ATM: variants seen among roughly 807,000 people sequenced by gnomAD.
ATM encodes the protein ATM serine/threonine kinase.
ATM carries 308 observed loss-of-function variants against 387.0 expected under a neutral mutation model. That is an observed-to-expected ratio of 0.80 (90% CI 0.73 to 0.87). The LOEUF (loss-of-function observed/expected upper bound fraction) is 0.87, where lower values mean the gene tolerates loss of function less well. Ranked by LOEUF, ATM falls within the 40% of genes least tolerant of loss-of-function variation. The pLI is 0.00. For synonymous variants in ATM, 1,156 were observed against 1,187.3 expected (o/e 0.97, Z 0.54); for missense variants, 3,312 against 3,560.9 (o/e 0.93, Z 1.78).
At chr11:108,347,683 A>G (rs1052453341) in intron 59 of ATM, among the ~76,000 whole-genome samples, 3 of 152,114 alleles carry the variant, frequency 2.0e-5, no homozygotes, top group Non-Finnish European at 4.4e-5. Flanking sequence ...GAGTAATTTT[A>G]AGATGTAGCA....
rs1169332384 is a variant in ATM at position 108,368,167 on chromosome 11, G to A, written c.*2659G>A. 4.8e-6 allele frequency: 1 copy of A among 206,766 alleles called. No individual in the cohort carries two copies. Among genetic ancestry groups the A allele is most frequent in the African/African-American group, 2.3e-5 (1 of 43,800 alleles). 12.8% of individuals were successfully genotyped at this position (206,766 alleles called of 1,614,324 possible). ...AATTTACATACAGATCACAAGCCTA[G>A]GAGAAATAACTAATTCACAGATGAC... is the stretch of plus-strand genomic sequence containing the variant. On this transcript the variant is annotated 3_prime_UTR_variant, in exon 63 of 63. Transcript: ENST00000675843.
intron 22 of ATM, among the ~76,000 whole-genome samples, chr11:108,278,399 T>G (rs892614129): frequency 6.6e-6 from 1 of 152,304 alleles, no homozygotes; most frequent in African/African-American, 2.4e-5. Context: ...AAGGCGGCAG[T>G]GTAGTGGTGG....
intron 22 of ATM, among the ~76,000 whole-genome samples, 166 bp from the exon 23 acceptor site, chr11:108,279,325 C>A (rs2082101845): frequency 6.6e-6 from 1 of 152,184 alleles, no homozygotes; most frequent in South Asian, 2.1e-4. Context: ...CTGGTCTGAA[C>A]CTCTTTAAAT....
Position 108,245,870 on chromosome 11 carries a change from G to A in ATM, c.901+844G>A, listed in dbSNP as rs186859611. Among the ~76,000 whole-genome samples, 144 of 149,184 alleles carry A rather than the reference G, an allele frequency of 9.7e-4. 1 individual carries two copies. Among genetic ancestry groups the A allele is most frequent in the African/African-American group, 3.4e-3 (139 of 40,364 alleles). ...GACAGAGTCTCACTCTGTCGCCCAG[G>A]CTGAAGTGCAGTGACGCAATGTTAG... is the stretch of plus-strand genomic sequence containing the variant. On this transcript the variant is annotated intron_variant, in intron 7 of 62. Transcript: ENST00000675843.
At chr11:108,341,572 A>C (rs149956049) in intron 56 of ATM, among the ~76,000 whole-genome samples, 1 of 152,200 alleles carries the variant, frequency 6.6e-6, no homozygotes, top group African/African-American at 2.4e-5. Flanking sequence ...TTAAGACACA[A>C]AACAGTTCAA....
intron 16 of ATM, among the ~76,000 whole-genome samples, chr11:108,266,388 A>C (rs887092600): frequency 2.0e-5 from 3 of 151,466 alleles, no homozygotes; most frequent in Non-Finnish European, 4.4e-5. Flanking sequence ...CGCAAGAAGA[A>C]AAAACCAAAC....
At chr11:108,241,912 T>C (rs1175756933) in intron 5 of ATM, among the ~76,000 whole-genome samples, 1 of 151,840 alleles carries the variant, frequency 6.6e-6, no homozygotes, top group East Asian at 1.9e-4. Flanking sequence ...ACCCTGCTAA[T>C]TTTTCATTTT....
In ATM at chr11:108,233,026, C is replaced by A. The variant is rs143496509; in HGVS notation, c.332-2644C>A. ...TACAGGCATGCCCCACCATGCCCAGCTAATTTTGTATTTTTAGTAGAGACG... is the reference window on the plus strand; with the variant it reads ...TACAGGCATGCCCCACCATGCCCAGATAATTTTGTATTTTTAGTAGAGACG... On this transcript the variant is annotated intron_variant, in intron 4 of 62. Coordinates refer to ENST00000675843, the MANE Select transcript of ATM (RefSeq NM_000051.4). Among the ~76,000 whole-genome samples the A allele has an allele frequency of 6.0e-3, 920 of 152,228 alleles. 6 individuals carry two copies. Among genetic ancestry groups the A allele is most frequent in the East Asian group, 0.01 (54 of 5,176 alleles).
chr11:108,347,886 T>G (rs1274760006), intron 59 of ATM, among the ~76,000 whole-genome samples: 3 of 152,108 alleles, frequency 2.0e-5, no homozygotes, highest in Non-Finnish European at 4.4e-5. Context: ...TCAGGAGCAC[T>G]TTGGGGAGTG....
intron 58 of ATM, chr11:108,346,590 C>T (rs944262050): frequency 6.6e-6 from 1 of 152,192 alleles, no homozygotes; most frequent in African/African-American, 2.4e-5. Flanking sequence ...AAAGAGTTCC[C>T]AGGTAATTGT....
At chr11:108,347,224 T>C in intron 58 of ATM, 55 bp from the exon 59 acceptor site, 1 of 1,303,244 alleles carries the variant, frequency 7.7e-7, no homozygotes, top group East Asian at 2.3e-5. Flanking sequence ...TATGGCTATA[T>C]ATTAGAAAGA....
rs3218693 is a variant in ATM, at chr11:108,227,516, A to G, written c.-30-79A>G. The G allele has an allele frequency of 8.2e-3, 7,206 of 876,788 alleles. 278 individuals carry two copies. In the African/African-American group the frequency reaches 0.093, roughly 11 times the overall value. 54.3% of individuals were successfully genotyped at this position (876,788 alleles called of 1,614,324 possible). A position where few individuals can be genotyped will look rare whatever the true frequency, so the allele number is the denominator to read the frequency against. On this transcript the variant is annotated intron_variant, in intron 1 of 62. Coordinates refer to ENST00000675843, the MANE Select transcript of ATM (RefSeq NM_000051.4). Reference sequence around the variant, plus strand: ...ACTGCAGTATAAAATAATTATATACACATTTTTTCACACCTCTTTCTCTCT... The same window carrying G: ...ACTGCAGTATAAAATAATTATATACGCATTTTTTCACACCTCTTTCTCTCT...
At chr11:108,322,218 A>G (rs960091198) in intron 45 of ATM, among the ~76,000 whole-genome samples, 5 of 151,938 alleles carry the variant, frequency 3.3e-5, no homozygotes, top group African/African-American at 7.3e-5. Flanking sequence ...GTCATGGTAT[A>G]ATCTCAGCTC....
At chr11:108,265,721 C>T (rs1319947180) in intron 16 of ATM, among the ~76,000 whole-genome samples, 45 of 139,232 alleles carry the variant, frequency 3.2e-4, no homozygotes, top group African/African-American at 1.1e-3. Flanking sequence ...AGAAAATTTT[C>T]GCAACCTACT....
rs113890914 is a variant in ATM at position 108,239,997 on chromosome 11, A to G, written c.497-3956A>G. On this transcript the variant is annotated intron_variant, in intron 5 of 62. Transcript: ENST00000675843. Reference sequence around the variant, plus strand: ...TCTTTTAGAGGAATTTTAAATTTACAGCAAAACGGAGTGGAAAGTCCACTG... The same window carrying G: ...TCTTTTAGAGGAATTTTAAATTTACGGCAAAACGGAGTGGAAAGTCCACTG... 3.6e-3 allele frequency among the ~76,000 whole-genome samples: 543 copies of G among 152,322 alleles called. 3 individuals carry two copies. The highest frequency in any genetic ancestry group is 5.8e-3 in the Non-Finnish European group (396 of 68,028).
At chr11:108,289,842 A>G in intron 29 of ATM, 41 bp downstream of exon 29, 1 of 1,565,712 alleles carries the variant, frequency 6.4e-7, no homozygotes, top group Non-Finnish European at 8.8e-7. Flanking sequence ...CAGTCTTTCT[A>G]TCCTGTTCTT....
intron 5 of ATM, among the ~76,000 whole-genome samples, chr11:108,237,729 C>T (rs2079349320): frequency 6.6e-6 from 1 of 151,998 alleles, no homozygotes; most frequent in Non-Finnish European, 1.5e-5. Flanking sequence ...AAGATTGAGT[C>T]AGCATTTGCA....
intron 4 of ATM, among the ~76,000 whole-genome samples, chr11:108,234,287 C>A (rs962289456): frequency 6.6e-6 from 1 of 152,148 alleles, no homozygotes; most frequent in Non-Finnish European, 1.5e-5. Context: ...CTAGTTTCAT[C>A]ATAGGAAAAC....
intron 47 of ATM, 198 bp from the exon 48 acceptor site, chr11:108,327,447 A>G (rs2085784395): frequency 5.6e-6 from 3 of 535,450 alleles, no homozygotes; most frequent in Admixed American, 6.1e-5. Flanking sequence ...GGCAATAATA[A>G]TAATAAACAG....
Sources: allele counts gnomAD v4.1 joint callset (sites outside exome capture counted in the v4.1 genomes callset), GRCh38; gene constraint gnomAD v4.1.1; transcripts MANE v1.5; gene names NCBI Gene and HGNC (gene_info 2026-07-23, HGNC 2026-07-21).